The following FSTL5 variants were observed in gnomAD, a reference collection of about 807,000 sequenced individuals.
FSTL5 encodes follistatin-related protein 5.
A neutral mutation model predicts 89.1 loss-of-function variants in FSTL5; 62 were observed. The observed-to-expected ratio is 0.70, with a 90% CI of 0.57 to 0.86. The LOEUF (loss-of-function observed/expected upper bound fraction) is 0.86, where lower values mean the gene tolerates loss of function less well. Ranked by LOEUF, FSTL5 falls within the 40% of genes least tolerant of loss-of-function variation. The pLI, the probability that FSTL5 is intolerant of heterozygous loss-of-function variation, is 0.00. For missense variants in FSTL5, 1,057 were observed against 1,001.6 expected, an observed-to-expected ratio of 1.06 and a Z score of -0.75; for synonymous variants, 383 against 346.2, an observed-to-expected ratio of 1.11 and a Z score of -1.18.
chr4:161,482,439 T>C (rs1011625591), intron 12 of FSTL5, among the ~76,000 whole-genome samples: 7 of 152,244 alleles, frequency 4.6e-5, no homozygotes, highest in Non-Finnish European at 7.3e-5. Flanking sequence ...TTCATTTATT[T>C]GTATACTCCA....
chr4:161,386,083 A>C lies in FSTL5; in HGVS notation c.2208T>G (p.Asn736Lys). The change falls in exon 16 of 16, where the codon AAT becomes AAG. Residue 736 changes from asparagine to lysine, a missense_variant. Transcript: ENST00000306100. ...EIQEAFDIYT[N>K]LHISDLAFQP... ...GAAATGCCAGATCAGATATGTGCAG[A>C]TTTGTGTAAATATCAAAAGCCTCCT... 6.2e-7 allele frequency: 1 copy of C among 1,614,062 alleles called. No individual in the cohort carries two copies.
chr4:161,623,121 C>G (rs78173864), intron 7 of FSTL5, among the ~76,000 whole-genome samples: 1 of 152,100 alleles, frequency 6.6e-6, no homozygotes, highest in East Asian at 1.9e-4. Flanking sequence ...AAATAAACAT[C>G]TTTTATCTGC....
At chr4:161,635,496 A>C (rs909573677) in intron 7 of FSTL5, among the ~76,000 whole-genome samples, 1 of 151,874 alleles carries the variant, frequency 6.6e-6, no homozygotes, top group Non-Finnish European at 1.5e-5. Context: ...CAAATTAAAA[A>C]AAAAAAAAAT....
intron 10 of FSTL5, among the ~76,000 whole-genome samples, chr4:161,528,454 A>T (rs1731303814): frequency 7.0e-6 from 1 of 143,742 alleles, no homozygotes; most frequent in Non-Finnish European, 1.5e-5. Flanking sequence ...ATTCAGACAC[A>T]GTCAGCCTTT....
intron 6 of FSTL5, among the ~76,000 whole-genome samples, chr4:161,736,650 T>C (rs1387363387): frequency 6.6e-6 from 1 of 152,088 alleles, no homozygotes; most frequent in Non-Finnish European, 1.5e-5. Context: ...GGAACTGTCA[T>C]TATGAGAGCT....
chr4:161,539,882 G>T (rs1161604092), intron 9 of FSTL5, among the ~76,000 whole-genome samples: 1 of 144,002 alleles, frequency 6.9e-6, no homozygotes, highest in African/African-American at 2.6e-5. Flanking sequence ...TATAAGATAC[G>T]GCCTCCTCCA....
At chr4:161,516,928 C>G (rs898235488) in intron 10 of FSTL5, among the ~76,000 whole-genome samples, 2 of 152,072 alleles carry the variant, frequency 1.3e-5, no homozygotes, top group Non-Finnish European at 2.9e-5. Flanking sequence ...GACCCATGCT[C>G]TGTTGCCCAG....
chr4:161,488,311 C>T (rs1729748995), intron 12 of FSTL5, among the ~76,000 whole-genome samples: 1 of 151,904 alleles, frequency 6.6e-6, no homozygotes, highest in Admixed American at 6.6e-5. Context: ...CTCTATTTGC[C>T]TAATTTGTGC....
chr4:162,079,042 G>A (rs569923803), intron 2 of FSTL5, among the ~76,000 whole-genome samples: 38 of 151,814 alleles, frequency 2.5e-4, no homozygotes, highest in Admixed American at 7.9e-4. Context: ...GACGTTTTAC[G>A]ATCCAGATGA....
intron 3 of FSTL5, among the ~76,000 whole-genome samples, chr4:162,029,376 C>T (rs1362572427): frequency 6.6e-6 from 1 of 151,982 alleles, no homozygotes; most frequent in African/African-American, 2.4e-5. Context: ...TGACATAATA[C>T]TTGTCTCATT....
At position 162,093,588 on chromosome 4, in the gene FSTL5, A is replaced by G. The variant is rs147438618; in HGVS notation, c.126+17683T>C. Among the ~76,000 whole-genome samples the G allele has an allele frequency of 1.2e-4, 18 of 152,282 alleles. No individual in the cohort carries two copies. In the East Asian group the frequency reaches 2.3e-3, roughly 20 times the overall value. ...ACAAATATGAAATGCCATACCCAAGAGACTATTTTTATATAAAATAATTAG... is the reference window on the plus strand; with the variant it reads ...ACAAATATGAAATGCCATACCCAAGGGACTATTTTTATATAAAATAATTAG... On this transcript the variant is annotated intron_variant, in intron 2 of 15. Coordinates refer to ENST00000306100, the MANE Select transcript of FSTL5 (RefSeq NM_020116.5).
At chr4:161,451,128 T>G (rs1733148696) in intron 15 of FSTL5, among the ~76,000 whole-genome samples, 1 of 152,138 alleles carries the variant, frequency 6.6e-6, no homozygotes. Context: ...AAATTGAAAT[T>G]CATCCTATAA....
intron 3 of FSTL5, among the ~76,000 whole-genome samples, chr4:161,991,688 C>A (rs1736115735): frequency 6.6e-6 from 1 of 152,136 alleles, no homozygotes; most frequent in Non-Finnish European, 1.5e-5. Context: ...ACAGGGCCAA[C>A]TGTGGGACTT....
chr4:161,808,737 A>C (rs1157510975), intron 4 of FSTL5, among the ~76,000 whole-genome samples: 1 of 152,172 alleles, frequency 6.6e-6, no homozygotes, highest in African/African-American at 2.4e-5. Flanking sequence ...AATATTTGCA[A>C]ATCATTTCTC....
intron 3 of FSTL5, among the ~76,000 whole-genome samples, chr4:162,026,304 C>CTTTTTTTGTTTTTTTTTTTTTTTTTTTT (rs1737282573): frequency 1.3e-5 from 1 of 79,474 alleles, no homozygotes; most frequent in Non-Finnish European, 2.2e-5. Context: ...TATGTATTTT[C>CTTTTTTTGTTTTTTTTTTTTTTTTTTTT]TTTTTTTTTT....
At chr4:161,514,881 T>A (rs1730763853) in intron 10 of FSTL5, among the ~76,000 whole-genome samples, 1 of 152,034 alleles carries the variant, frequency 6.6e-6, no homozygotes, top group Admixed American at 6.6e-5. Context: ...TCTGTAAGAA[T>A]AAGATGCAAA....
intron 4 of FSTL5, among the ~76,000 whole-genome samples, chr4:161,899,721 G>A (rs919442809): frequency 6.6e-6 from 1 of 152,160 alleles, no homozygotes; most frequent in Non-Finnish European, 1.5e-5. Context: ...GACAATATAT[G>A]TTGACAAGTA....
At chr4:161,778,703 TAATAAG>T (rs1225845876) in intron 4 of FSTL5, among the ~76,000 whole-genome samples, 4 of 152,192 alleles carry the variant, frequency 2.6e-5, no homozygotes, top group Admixed American at 2.0e-4. Flanking sequence ...TAAAGAATAA[TAATAAG>T]AATATGTTTT....
chr4:161,401,254 T>A (rs1436548174), intron 15 of FSTL5, among the ~76,000 whole-genome samples: 1 of 152,238 alleles, frequency 6.6e-6, no homozygotes, highest in Non-Finnish European at 1.5e-5. Flanking sequence ...CTTTCTCTGA[T>A]GTCTACTTCT....
Sources: gnomAD v4.1 joint callset for allele counts (sites outside exome capture counted in the v4.1 genomes callset) on GRCh38, gnomAD v4.1.1 for gene constraint, MANE v1.5 for transcripts, NCBI Gene and HGNC (gene_info 2026-07-23, HGNC 2026-07-21) for gene names.